The following GRID2 variants were observed in gnomAD, a reference collection of about 807,000 sequenced individuals.
The protein encoded by GRID2 is glutamate ionotropic receptor delta type subunit 2, also known as glutamate receptor ionotropic, delta-2.
Under a neutral mutation model 114.8 loss-of-function variants are expected in GRID2, and 33 were observed. The observed-to-expected ratio is 0.29, with a 90% CI of 0.22 to 0.38. The LOEUF is 0.38. Ranked by LOEUF, GRID2 falls within the 10% of genes least tolerant of loss-of-function variation. The pLI is 1.00. For synonymous variants in GRID2, 505 were observed against 449.9 expected (o/e 1.12, Z -1.55); for missense variants, 1,184 against 1,257.7 (o/e 0.94, Z 0.89).
At chr4:92,790,338 C>T (rs1316495235) in intron 2 of GRID2, among the ~76,000 whole-genome samples, 1 of 151,642 alleles carries the variant, frequency 6.6e-6, no homozygotes, top group Admixed American at 6.6e-5. Flanking sequence ...TTTTACAAAT[C>T]TCATATTTCT....
intron 2 of GRID2, among the ~76,000 whole-genome samples, chr4:92,919,715 G>C (rs1337503156): frequency 6.6e-6 from 1 of 152,184 alleles, no homozygotes; most frequent in Non-Finnish European, 1.5e-5. Context: ...TGGTCTGAGA[G>C]ACAGTTTGTT....
chr4:92,537,955 G>A (rs1725736562), intron 1 of GRID2, among the ~76,000 whole-genome samples: 1 of 151,980 alleles, frequency 6.6e-6, no homozygotes, highest in Non-Finnish European at 1.5e-5. Flanking sequence ...ATAAGAAAAT[G>A]TTATCTTCTG....
At chr4:93,256,430 T>G (rs867974935) in intron 8 of GRID2, among the ~76,000 whole-genome samples, 20 of 149,770 alleles carry the variant, frequency 1.3e-4, no homozygotes, top group Non-Finnish European at 2.5e-4. Flanking sequence ...AATTTTTGGT[T>G]TTTTTTTTTG....
At chr4:93,424,897 C>A (rs1471421342) in intron 10 of GRID2, among the ~76,000 whole-genome samples, 1 of 152,108 alleles carries the variant, frequency 6.6e-6, no homozygotes, top group Non-Finnish European at 1.5e-5. Flanking sequence ...GACAATTTGT[C>A]TTGATCTGCC....
intron 2 of GRID2, among the ~76,000 whole-genome samples, chr4:92,654,308 T>C (rs1174450276): frequency 6.6e-6 from 1 of 151,970 alleles, no homozygotes. Flanking sequence ...ATCACAGGAC[T>C]TCATTCTCAT....
chr4:92,791,985 C>A (rs1362767274), intron 2 of GRID2, among the ~76,000 whole-genome samples: 1 of 151,744 alleles, frequency 6.6e-6, no homozygotes. Flanking sequence ...TAAATAAACT[C>A]CAGGCTGTCT....
At chr4:93,324,909 T>C (rs1030658513) in intron 8 of GRID2, among the ~76,000 whole-genome samples, 2 of 152,164 alleles carry the variant, frequency 1.3e-5, no homozygotes, top group African/African-American at 2.4e-5. Flanking sequence ...TTATTGTGTC[T>C]ATTTGATTCT....
chr4:93,113,407 A>T (rs1471380573), intron 4 of GRID2, among the ~76,000 whole-genome samples: 3 of 152,176 alleles, frequency 2.0e-5, no homozygotes, highest in Non-Finnish European at 4.4e-5. Context: ...GAGTTTGTGC[A>T]CTTAACCTTG....
chr4:93,346,024 C>T (rs946111542), intron 8 of GRID2, among the ~76,000 whole-genome samples: 1 of 152,030 alleles, frequency 6.6e-6, no homozygotes, highest in African/African-American at 2.4e-5. Flanking sequence ...TATGCCAACA[C>T]CATGCTGTTT....
At chr4:92,871,591 C>T (rs191817501) in intron 2 of GRID2, among the ~76,000 whole-genome samples, 7 of 152,240 alleles carry the variant, frequency 4.6e-5, no homozygotes, top group Admixed American at 2.0e-4. Context: ...AGTACTGACA[C>T]TCATGAGTCA....
chr4:92,843,762 A>G (rs1170438336), intron 2 of GRID2, among the ~76,000 whole-genome samples: 1 of 152,130 alleles, frequency 6.6e-6, no homozygotes, highest in Non-Finnish European at 1.5e-5. Context: ...AAATATTTAT[A>G]AATATCTTCT....
At chr4:93,715,130 G>A (rs1407903244) in intron 14 of GRID2, among the ~76,000 whole-genome samples, 1 of 152,200 alleles carries the variant, frequency 6.6e-6, no homozygotes, top group Non-Finnish European at 1.5e-5. Context: ...AAGGGGTCCA[G>A]TTTCAATTTT....
intron 11 of GRID2, among the ~76,000 whole-genome samples, chr4:93,466,350 G>A (rs1724270076): frequency 6.6e-6 from 1 of 152,160 alleles, no homozygotes; most frequent in South Asian, 2.1e-4. Context: ...GCTTTGCTCA[G>A]GGAAGAATTC....
At chr4:92,772,700 G>C (rs1309654056) in intron 2 of GRID2, among the ~76,000 whole-genome samples, 1 of 152,080 alleles carries the variant, frequency 6.6e-6, no homozygotes, top group Non-Finnish European at 1.5e-5. Context: ...TGTAGTCAAA[G>C]ATTGCCTGCA....
At chr4:93,027,589 A>T (rs1056663512) in intron 2 of GRID2, among the ~76,000 whole-genome samples, 1 of 152,144 alleles carries the variant, frequency 6.6e-6, no homozygotes, top group Non-Finnish European at 1.5e-5. Context: ...GCACATTCAT[A>T]TGTTGTTATC....
chr4:93,728,088 T>G (rs1479737650), intron 14 of GRID2, among the ~76,000 whole-genome samples: 3 of 152,140 alleles, frequency 2.0e-5, no homozygotes, highest in African/African-American at 7.2e-5. Context: ...AGGGTGTCAA[T>G]TTTAGATCTT....
intron 2 of GRID2, among the ~76,000 whole-genome samples, chr4:93,036,926 A>C (rs1233710690): frequency 6.6e-6 from 1 of 152,152 alleles, no homozygotes; most frequent in Non-Finnish European, 1.5e-5. Context: ...CCTTCAATTA[A>C]CTAAATATAA....
chr4:93,282,406 G>C (rs1450780224), intron 8 of GRID2: 1 of 447,538 alleles, frequency 2.2e-6, no homozygotes, highest in Non-Finnish European at 4.5e-6. Flanking sequence ...CAAGATCAAG[G>C]AGTCTGCATC....
At chr4:92,433,480 T>C (rs1732571816) in intron 1 of GRID2, among the ~76,000 whole-genome samples, 1 of 152,216 alleles carries the variant, frequency 6.6e-6, no homozygotes, top group Non-Finnish European at 1.5e-5. Flanking sequence ...GCTTCCTCTG[T>C]GGGTGCCAGC....
Sources: gnomAD v4.1 joint callset for allele counts (sites outside exome capture counted in the v4.1 genomes callset) on GRCh38, gnomAD v4.1.1 for gene constraint, MANE v1.5 for transcripts, NCBI Gene and HGNC (gene_info 2026-07-23, HGNC 2026-07-21) for gene names.